Variants in BLTP1 observed in about 807,000 individuals in gnomAD.
BLTP1 encodes the protein bridge-like lipid transfer protein family member 1, also known as fragile site-associated protein.
At chr4:122,222,065 C>T in the BLTP1 span, 23,523 of 210,746 alleles carry the variant, frequency 0.11, 1,955 homozygotes, top group African/African-American at 0.26. Flanking sequence ...AGTAGAGATA[C>T]CAAGGTGAAA....
the BLTP1 span, among the ~76,000 whole-genome samples, chr4:122,267,958 T>C: frequency 9.2e-5 from 14 of 152,224 alleles, no homozygotes; most frequent in Non-Finnish European, 1.6e-4. Flanking sequence ...GTGTCTGATA[T>C]ATAGCTAAGT....
At chr4:122,349,899 A>G in the BLTP1 span, 2 of 1,613,770 alleles carry the variant, frequency 1.2e-6, no homozygotes, top group East Asian at 4.5e-5. This position sits in a 1 kb window ranked among gnomAD's most constrained non-coding sequence, Gnocchi z 4.5. Context: ...ATATTTTCCA[A>G]GTAATGATAT....
chr4:122,289,015 G>T, the BLTP1 span: 2 of 1,472,718 alleles, frequency 1.4e-6, no homozygotes, highest in Admixed American at 2.2e-5. Flanking sequence ...CCTCAGTTTA[G>T]GGTGATTTAT....
At chr4:122,215,206 G>T in the BLTP1 span, 2 of 367,722 alleles carry the variant, frequency 5.4e-6, no homozygotes, top group Non-Finnish European at 7.5e-6. Context: ...AATTTGATAT[G>T]AATTATTTCC....
chr4:122,176,304 A>G, the BLTP1 span, among the ~76,000 whole-genome samples: 1 of 151,094 alleles, frequency 6.6e-6, no homozygotes, highest in Non-Finnish European at 1.5e-5. Context: ...CTCTGTCTCA[A>G]AAAAAAAAGA....
At chr4:122,200,242 T>C in the BLTP1 span, 3 of 985,278 alleles carry the variant, frequency 3.0e-6, no homozygotes, top group Non-Finnish European at 3.6e-6. Flanking sequence ...TAGTGCTGTG[T>C]GACAATGCTC....
At chr4:122,225,509 A>G in the BLTP1 span, 3 of 152,172 alleles carry the variant, frequency 2.0e-5, no homozygotes, top group East Asian at 1.9e-4. Context: ...GGTATAAAAC[A>G]TATAATTTAG....
chr4:122,192,002 TGA>T, the BLTP1 span, among the ~76,000 whole-genome samples: 2 of 152,100 alleles, frequency 1.3e-5, no homozygotes, highest in African/African-American at 4.8e-5. Flanking sequence ...TATGTCAACA[TGA>T]GTTTATTTTT....
chr4:122,182,822 T>C, the BLTP1 span: 2 of 984,800 alleles, frequency 2.0e-6, no homozygotes, highest in Middle Eastern at 5.2e-4. Flanking sequence ...CTCATTTCCC[T>C]CTTTCTTTTT....
chr4:122,252,732 C>T, the BLTP1 span, among the ~76,000 whole-genome samples: 1 of 152,184 alleles, frequency 6.6e-6, no homozygotes, highest in Non-Finnish European at 1.5e-5. Context: ...GAACTCGCCA[C>T]CCTGAAGGGA....
chr4:122,223,214 T>A, the BLTP1 span: 1 of 915,262 alleles, frequency 1.1e-6, no homozygotes, highest in Non-Finnish European at 1.3e-6. Context: ...TTAAAAAAAG[T>A]TTCTTATGAA....
At chr4:122,227,596 T>G in the BLTP1 span, 1 of 393,024 alleles carries the variant, frequency 2.5e-6, no homozygotes, top group Non-Finnish European at 3.5e-6. Flanking sequence ...CCTATATGTC[T>G]TTCCTTTTTT....
the BLTP1 span, chr4:122,325,976 T>TAC: frequency 4.1e-5 from 19 of 458,000 alleles, no homozygotes; most frequent in South Asian, 4.1e-4. Context: ...ACTGAAAATC[T>TAC]ACTTTCAAAA....
the BLTP1 span, among the ~76,000 whole-genome samples, chr4:122,293,435 C>G: frequency 0.028 from 4,319 of 152,226 alleles, 139 homozygotes; most frequent in African/African-American, 0.08. Flanking sequence ...AGGGAGCCCC[C>G]ACCCCCAGGC....
At chr4:122,298,989 A>G in the BLTP1 span, 1 of 985,270 alleles carries the variant, frequency 1.0e-6, no homozygotes, top group South Asian at 4.7e-5. Flanking sequence ...TCACCAAGCA[A>G]CACAGGTGCT....
At chr4:122,215,235 G>A in the BLTP1 span, 1 of 501,370 alleles carries the variant, frequency 2.0e-6, no homozygotes, top group Non-Finnish European at 2.6e-6. Context: ...TAATTAAATG[G>A]AGATTGCTTT....
chr4:122,183,616 G>A, the BLTP1 span: 1 of 683,934 alleles, frequency 1.5e-6, no homozygotes, highest in African/African-American at 2.0e-5. Flanking sequence ...GCAGACCTAG[G>A]TTTTTGCTTT....
At chr4:122,312,271 AGTGATCTT>A in the BLTP1 span, among the ~76,000 whole-genome samples, 1 of 152,122 alleles carries the variant, frequency 6.6e-6, no homozygotes, top group Non-Finnish European at 1.5e-5. Context: ...CCTAGCCTCA[AGTGATCTT>A]GTGGCTTTGA....
At chr4:122,267,059 T>A in the BLTP1 span, 2 of 427,558 alleles carry the variant, frequency 4.7e-6, no homozygotes, top group Middle Eastern at 5.8e-4. Context: ...TAATTTTTTT[T>A]TTTTTTTTTT....
Sources: allele counts gnomAD v4.1 joint callset (sites outside exome capture counted in the v4.1 genomes callset), GRCh38; gene constraint gnomAD v4.1.1; non-coding constraint Gnocchi (gnomAD v3.1); transcripts MANE v1.5; gene names NCBI Gene and HGNC (gene_info 2026-07-23, HGNC 2026-07-21).